NELL2: variants seen among roughly 807,000 people sequenced by gnomAD.
NELL2 encodes protein kinase C-binding protein NELL2.
A neutral mutation model predicts 109.6 loss-of-function variants in NELL2; 41 were observed. That is an observed-to-expected ratio of 0.37 (90% CI 0.29 to 0.49). The LOEUF is 0.49. Among genes scored for constraint, NELL2 ranks in the 20% least tolerant of loss-of-function variants. The pLI is 0.98. For synonymous variants in NELL2, 355 were observed against 344.7 expected (o/e 1.03, Z -0.33); for missense variants, 900 against 1,008.3 (o/e 0.89, Z 1.45).
intron 9 of NELL2, among the ~76,000 whole-genome samples, chr12:44,733,188 A>T (rs1939459737): frequency 2.0e-5 from 3 of 152,028 alleles, no homozygotes; most frequent in Admixed American, 2.0e-4. Flanking sequence ...CATATGCTCC[A>T]GTTATCCCAC....
intron 3 of NELL2, among the ~76,000 whole-genome samples, chr12:44,807,922 G>A (rs886668942): frequency 3.3e-5 from 5 of 151,996 alleles, no homozygotes; most frequent in African/African-American, 1.2e-4. Context: ...CTGTCCATAG[G>A]GAGCGAAGAG....
chr12:44,685,379 C>T (rs1948678974), intron 12 of NELL2, among the ~76,000 whole-genome samples: 1 of 152,044 alleles, frequency 6.6e-6, no homozygotes, highest in South Asian at 2.1e-4. Flanking sequence ...ATTTGCCAGT[C>T]TGTGTCTTTT....
At chr12:44,903,316 A>G (rs917412727) in intron 1 of NELL2, among the ~76,000 whole-genome samples, 1 of 152,230 alleles carries the variant, frequency 6.6e-6, no homozygotes, top group Non-Finnish European at 1.5e-5. Flanking sequence ...CATTAGAGAA[A>G]TGCAAATCAA....
intron 1 of NELL2, among the ~76,000 whole-genome samples, chr12:44,904,709 C>T (rs555273041): frequency 3.9e-5 from 6 of 152,192 alleles, no homozygotes; most frequent in African/African-American, 1.2e-4. Flanking sequence ...TCCTAAAATT[C>T]CATGCATATT....
chr12:44,623,065 G>T (rs1234595456), intron 13 of NELL2, among the ~76,000 whole-genome samples: 1 of 152,038 alleles, frequency 6.6e-6, no homozygotes, highest in African/African-American at 2.4e-5. Flanking sequence ...ATTTGCAGTG[G>T]TGTGTTTATT....
At chr12:44,668,891 C>G (rs1239021474) in intron 12 of NELL2, among the ~76,000 whole-genome samples, 2 of 152,042 alleles carry the variant, frequency 1.3e-5, no homozygotes, top group African/African-American at 2.4e-5. Flanking sequence ...GTTGGCCCAC[C>G]ACTGCAACTA....
At chr12:44,770,277 T>C (rs1008804314) in intron 9 of NELL2, among the ~76,000 whole-genome samples, 1 of 152,112 alleles carries the variant, frequency 6.6e-6, no homozygotes, top group African/African-American at 2.4e-5. Context: ...ACAGTTAACA[T>C]TGTTCTAAGC....
rs1941989993 is a variant in NELL2 at position 44,530,364 on chromosome 12, C to G, written c.1804+2217G>C. Among the ~76,000 whole-genome samples the G allele has an allele frequency of 3.3e-5, 5 of 152,176 alleles. No homozygotes were observed. In the South Asian group the frequency reaches 1.0e-3, roughly 32 times the overall value. Reference sequence around the variant, plus strand: ...AAGCAGTATCCAAAGTCTGAGGAGACTTAAGAAGTTGTGAAATGGCTGTTA... The same window carrying G: ...AAGCAGTATCCAAAGTCTGAGGAGAGTTAAGAAGTTGTGAAATGGCTGTTA... On this transcript the variant is annotated intron_variant, in intron 16 of 19. Coordinates refer to ENST00000429094, the MANE Select transcript of NELL2 (RefSeq NM_001145108.2).
At chr12:44,911,301 A>G (rs902479834) in intron 1 of NELL2, among the ~76,000 whole-genome samples, 2 of 152,016 alleles carry the variant, frequency 1.3e-5, no homozygotes, top group South Asian at 2.1e-4. Context: ...AATTGTTCCA[A>G]TCATTCTGAA....
chr12:44,786,508 C>T (rs905247934), intron 3 of NELL2, among the ~76,000 whole-genome samples: 1 of 152,140 alleles, frequency 6.6e-6, no homozygotes, highest in African/African-American at 2.4e-5. Context: ...CCTTTTGACA[C>T]AGCAATCCCA....
chr12:44,875,741 C>T (rs1380856374), intron 1 of NELL2, 74 bp downstream of exon 1: 7 of 1,610,388 alleles, frequency 4.3e-6, no homozygotes, highest in Non-Finnish European at 5.1e-6. Context: ...AAAAGCGAGG[C>T]TTCCCCAGCC....
intron 9 of NELL2, among the ~76,000 whole-genome samples, chr12:44,743,223 A>C (rs1162061064): frequency 6.6e-6 from 1 of 152,206 alleles, no homozygotes; most frequent in East Asian, 1.9e-4. Context: ...TGAAGGAGAA[A>C]TAAAATACTT....
chr12:44,816,058 G>C lies in NELL2; in HGVS notation c.263C>G (p.Thr88Ser). 1.9e-6 allele frequency: 3 copies of C among 1,613,746 alleles called. No individual in the cohort carries two copies. The highest frequency in any genetic ancestry group is 2.5e-6 in the Non-Finnish European group (3 of 1,179,854). Residue 88 changes from threonine to serine, a missense_variant, in exon 3 of 20, where the codon ACT (threonine) becomes AGT (serine). Around this residue, in one of 4 missense-constraint regions of NELL2, gnomAD observed 200 missense variants for 191.8 expected, o/e 1.04. Coordinates refer to ENST00000429094, the MANE Select transcript of NELL2 (RefSeq NM_001145108.2). The stretch of plus-strand genomic sequence containing the variant: ...GGTCTGTTTTAGGGTCACCAAAATA[G>C]TAAATTCATGTTTATTTCTCAGCTT... ...FQKLRNKHEF[T>S]ILVTLKQTHL...
At chr12:44,761,917 C>G (rs1215822215) in intron 9 of NELL2, among the ~76,000 whole-genome samples, 1 of 152,106 alleles carries the variant, frequency 6.6e-6, no homozygotes, top group Non-Finnish European at 1.5e-5. Flanking sequence ...GAAAAATTAC[C>G]TACTGGGTAT....
At chr12:44,529,431 CTAGTAG>C (rs1393180707) in intron 16 of NELL2, among the ~76,000 whole-genome samples, 1 of 152,058 alleles carries the variant, frequency 6.6e-6, no homozygotes, top group Non-Finnish European at 1.5e-5. Context: ...GTTGAGCTAC[CTAGTAG>C]GCCACTAGAT....
At chr12:44,814,365 A>T (rs1943269695) in intron 3 of NELL2, among the ~76,000 whole-genome samples, 1 of 152,232 alleles carries the variant, frequency 6.6e-6, no homozygotes, top group Admixed American at 6.5e-5. Flanking sequence ...GGTAATCAGA[A>T]ATACAACAGG....
intron 13 of NELL2, among the ~76,000 whole-genome samples, chr12:44,628,125 T>C (rs1223318237): frequency 2.0e-5 from 3 of 151,166 alleles, no homozygotes; most frequent in Non-Finnish European, 4.4e-5. Flanking sequence ...AGGGCTAATA[T>C]GTAATTTAAG....
At chr12:44,882,661 G>C (rs1470657819) in intron 1 of NELL2, among the ~76,000 whole-genome samples, 1 of 151,320 alleles carries the variant, frequency 6.6e-6, no homozygotes, top group Non-Finnish European at 1.5e-5. Flanking sequence ...CCGAGTAGCT[G>C]GAATTACAGG....
At chr12:44,656,365 T>A (rs1200681390) in intron 13 of NELL2, among the ~76,000 whole-genome samples, 3 of 152,170 alleles carry the variant, frequency 2.0e-5, no homozygotes, top group African/African-American at 7.2e-5. Flanking sequence ...TACAGTCGAA[T>A]AAACAATAAC....
Sources: gnomAD v4.1 joint callset for allele counts (sites outside exome capture counted in the v4.1 genomes callset) on GRCh38, gnomAD v4.1.1 for gene constraint, gnomAD v4.1.1 regional missense constraint, MANE v1.5 for transcripts, NCBI Gene and HGNC (gene_info 2026-07-23, HGNC 2026-07-21) for gene names.